YWHAZ: variants seen among roughly 807,000 people sequenced by gnomAD.
The protein encoded by YWHAZ is tyrosine 3-monooxygenase/tryptophan 5-monooxygenase activation protein zeta.
For missense variants in YWHAZ, 79 were observed against 284.8 expected (o/e 0.28, Z 5.20); for synonymous variants, 87 against 103.6 (o/e 0.84, Z 0.97).
At chr8:100,939,123 T>C (rs191320679) in intron 2 of YWHAZ, among the ~76,000 whole-genome samples, 1 of 152,320 alleles carries the variant, frequency 6.6e-6, no homozygotes, top group East Asian at 1.9e-4. Context: ...TTTATTAATA[T>C]AATTCCTGTT....
intron 2 of YWHAZ, among the ~76,000 whole-genome samples, chr8:100,945,159 G>A (rs1439929949): frequency 6.6e-6 from 1 of 152,226 alleles, no homozygotes; most frequent in Non-Finnish European, 1.5e-5. Flanking sequence ...ACGTGGAAGA[G>A]AAGAAACCCA....
At position 100,924,455 on chromosome 8, in the gene YWHAZ, A is replaced by C. The variant is rs1813226093; in HGVS notation, c.419-157T>G. The C allele has an allele frequency of 1.5e-6, 1 of 675,796 alleles. No individual in the cohort carries two copies. The highest frequency in any genetic ancestry group is 2.4e-6 in the Non-Finnish European group (1 of 423,406). The allele number at this position is 675,796 out of a possible 1,614,324, so 41.9% of individuals were successfully genotyped here. Reference sequence around the variant, plus strand: ...AAGGTCCTTTTTTTTTTTTAAAGGGAGCTTTCTCCTGGTACACACTAGCCA... The same window carrying C: ...AAGGTCCTTTTTTTTTTTTAAAGGGCGCTTTCTCCTGGTACACACTAGCCA... On this transcript the variant is annotated intron_variant, in intron 3 of 5. Transcript: ENST00000395958. This position sits in a 1 kb window ranked among gnomAD's most constrained non-coding sequence, Gnocchi z 5.7.
Position 100,948,937 on chromosome 8 carries a change from C to T in YWHAZ, c.-11-37G>A. ...AAAAAAGGAGTATTTAAAATTTTTC[C>T]CATCAAAATAAACAGACTCAAAATT... On this transcript the variant is annotated intron_variant, in intron 1 of 5. Coordinates refer to ENST00000395958, the MANE Select transcript of YWHAZ (RefSeq NM_145690.3). The surrounding 1 kb of genome is among the most constrained non-coding windows in gnomAD (Gnocchi z 4.2). The T allele has an allele frequency of 6.5e-7, 1 of 1,535,880 alleles. No individual in the cohort carries two copies. The highest frequency in any genetic ancestry group is 2.3e-5 in the East Asian group (1 of 44,292).
intron 5 of YWHAZ, among the ~76,000 whole-genome samples, 184 bp from the exon 6 acceptor site, chr8:100,920,936 C>CTA (rs778744223): frequency 3.9e-5 from 6 of 152,072 alleles, no homozygotes; most frequent in Non-Finnish European, 8.8e-5. Flanking sequence ...TTTGTAACCA[C>CTA]TATATAAGCA....
At position 100,939,977 on chromosome 8, in the gene YWHAZ, CG is replaced by C. The variant is rs1563683051; in HGVS notation, c.294+8618del. Among the ~76,000 whole-genome samples, 3 of 151,146 alleles carry C rather than the reference CG, an allele frequency of 2.0e-5. No individual in the cohort carries two copies. In the East Asian group the frequency reaches 5.9e-4, roughly 30 times the overall value. On this transcript the variant is annotated intron_variant, in intron 2 of 5. Transcript: ENST00000395958. ...GGCGGAGCTTGCAGTGAGCCGAGAT[CG>C]CGCCACTGCACTCCAGCCTGGGGGA...
chr8:100,935,730 G>A (rs1202814038), intron 2 of YWHAZ, among the ~76,000 whole-genome samples: 1 of 152,154 alleles, frequency 6.6e-6, no homozygotes, highest in Non-Finnish European at 1.5e-5. Flanking sequence ...TTGTTAAGAA[G>A]TCAAGGGTCC....
At chr8:100,949,032 T>TTAAA (rs1281814119) in intron 1 of YWHAZ, 132 bp from the exon 2 acceptor site, 4 of 1,086,604 alleles carry the variant, frequency 3.7e-6, no homozygotes, top group Non-Finnish European at 5.1e-6. Context: ...ACATGAGGAA[T>TTAAA]TAAAATGCAG....
intron 1 of YWHAZ, chr8:100,950,661 G>GGGT: frequency 3.3e-6 from 3 of 914,998 alleles, no homozygotes; most frequent in Non-Finnish European, 2.6e-6. Context: ...AAGCCGTGGG[G>GGGT]GGGGGGGAGA....
intron 1 of YWHAZ, chr8:100,950,569 G>C (rs1810650327): frequency 1.0e-6 from 1 of 985,476 alleles, no homozygotes; most frequent in Non-Finnish European, 1.2e-6. Flanking sequence ...GCGGATCTGT[G>C]TCAGGGAGCC....
chr8:100,931,940 GA>G (rs566275034), intron 2 of YWHAZ: 9 of 152,096 alleles, frequency 5.9e-5, no homozygotes, highest in South Asian at 2.1e-4. Flanking sequence ...AAGAACAAAA[GA>G]AAAAAAGAAC....
In YWHAZ at chr8:100,920,519, C is replaced by T. The variant is rs1452635674; in HGVS notation, c.*174G>A. 7 of 638,874 alleles carry T rather than the reference C, an allele frequency of 1.1e-5. No homozygotes were observed. Among genetic ancestry groups the T allele is most frequent in the Non-Finnish European group, 1.9e-5 (7 of 371,896 alleles). 39.6% of individuals were successfully genotyped at this position (638,874 alleles called of 1,614,324 possible). ...AGATAACTCCCTAAATGTTAACTGG[C>T]TCTACTCCCCTAATATTAAACATAA... On this transcript the variant is annotated 3_prime_UTR_variant, in exon 6 of 6. Coordinates refer to ENST00000395958, the MANE Select transcript of YWHAZ (RefSeq NM_145690.3).
chr8:100,951,906 G>A, intron 1 of YWHAZ, 23 bp downstream of exon 1: 1 of 993,744 alleles, frequency 1.0e-6, no homozygotes, highest in South Asian at 4.2e-5. Context: ...GAAGCGAGGC[G>A]CGGCGGCGGC....
chr8:100,949,157 C>T (rs182655150), intron 1 of YWHAZ, among the ~76,000 whole-genome samples: 21 of 152,232 alleles, frequency 1.4e-4, no homozygotes, highest in African/African-American at 4.8e-4. Context: ...TTCAGAAGAC[C>T]CAAATTTCAC....
intron 5 of YWHAZ, among the ~76,000 whole-genome samples, 160 bp from the exon 6 acceptor site, chr8:100,920,912 A>G (rs1396174006): frequency 2.0e-5 from 3 of 152,144 alleles, no homozygotes; most frequent in African/African-American, 7.2e-5. Context: ...ATCTCAATAT[A>G]CAAATTTACT....
At chr8:100,929,045 G>A (rs1813573705) in intron 2 of YWHAZ, among the ~76,000 whole-genome samples, 2 of 152,274 alleles carry the variant, frequency 1.3e-5, no homozygotes, top group South Asian at 2.1e-4. Flanking sequence ...TTTTGTAGAG[G>A]AGATTCATAA....
rs1183253739 is a variant in YWHAZ, at chr8:100,918,194, T to C, written c.*2499A>G. ...CCTGTCTCTACTAAAAACACAAAAATTAGCCAGGTGTGGTGGCGGGCACCT... is the reference window on the plus strand; with the variant it reads ...CCTGTCTCTACTAAAAACACAAAAACTAGCCAGGTGTGGTGGCGGGCACCT... On this transcript the variant is annotated 3_prime_UTR_variant, in exon 6 of 6. Coordinates refer to ENST00000395958, the MANE Select transcript of YWHAZ (RefSeq NM_145690.3). The C allele has an allele frequency of 1.3e-5, 2 of 150,422 alleles. No homozygotes were observed. Among genetic ancestry groups the C allele is most frequent in the African/African-American group, 2.5e-5 (1 of 40,774 alleles). The allele number at this position is 150,422 out of a possible 1,614,324, so 9.3% of individuals were successfully genotyped here. A position where few individuals can be genotyped will look rare whatever the true frequency, so the allele number is the denominator to read the frequency against.
chr8:100,952,841 C>T, upstream of YWHAZ: 3 of 1,000,426 alleles, frequency 3.0e-6, no homozygotes, highest in South Asian at 1.4e-4. Flanking sequence ...CCCGCCGCCG[C>T]GGCTTTACCT....
At chr8:100,925,415 TAGAA>T (rs1412126471) in intron 2 of YWHAZ, among the ~76,000 whole-genome samples, 2 of 152,058 alleles carry the variant, frequency 1.3e-5, no homozygotes. Context: ...GACATGAAAA[TAGAA>T]AGAACATACG....
At chr8:100,945,554 A>C (rs2130334726) in intron 2 of YWHAZ, among the ~76,000 whole-genome samples, 1 of 152,262 alleles carries the variant, frequency 6.6e-6, no homozygotes, top group Non-Finnish European at 1.5e-5. Context: ...AGTAATAAAA[A>C]ATTATAATTG....
Sources: gnomAD v4.1 joint callset for allele counts (sites outside exome capture counted in the v4.1 genomes callset) on GRCh38, gnomAD v4.1.1 for gene constraint, Gnocchi (gnomAD v3.1) non-coding constraint, MANE v1.5 for transcripts, NCBI Gene and HGNC (gene_info 2026-07-23, HGNC 2026-07-21) for gene names.